ATXN2: variants seen among roughly 807,000 people sequenced by gnomAD.
The protein encoded by ATXN2 is ataxin 2.
ATXN2 carries 37 observed loss-of-function variants against 138.6 expected under a neutral mutation model. The observed-to-expected ratio is 0.27, with a 90% CI of 0.21 to 0.35. The LOEUF (loss-of-function observed/expected upper bound fraction) is 0.35. ATXN2 is among the 10% of genes least tolerant of loss of function. The pLI is 1.00. For synonymous variants in ATXN2, 549 were observed against 543.7 expected (o/e 1.01, Z -0.13); for missense variants, 1,216 against 1,480.3 (o/e 0.82, Z 2.93).
chr12:111,535,772 G>A (rs1426002049), intron 5 of ATXN2, among the ~76,000 whole-genome samples: 8 of 151,678 alleles, frequency 5.3e-5, no homozygotes, highest in Admixed American at 6.6e-5. Flanking sequence ...AGGCCGAGGT[G>A]GGCGGATCAC....
Position 111,598,978 on chromosome 12 carries a change from T to TGCTGTTGCTGC in ATXN2, c.56_57insGCAGCAACAGC (p.Gln23HisfsTer27). ...GCTGCTGCTGCTGCTGCTGCTGCTG[T>TGCTGTTGCTGC]TGCTGCTGCTGCTGCTGCTGCTGCT... On this transcript the variant is annotated frameshift_variant, in exon 1 of 25. Coordinates refer to ENST00000673436, the MANE Select transcript of ATXN2 (RefSeq NM_001372574.1). LOFTEE classifies it high-confidence loss of function. This position sits in a 1 kb window ranked among gnomAD's most constrained non-coding sequence, Gnocchi z 4.5. 1 of 1,292,192 alleles carries TGCTGTTGCTGC rather than the reference T, an allele frequency of 7.7e-7. No individual in the cohort carries two copies. The highest frequency in any genetic ancestry group is 1.6e-5 in the South Asian group (1 of 63,520). The allele number at this position is 1,292,192 out of a possible 1,614,324, so 80.0% of individuals were successfully genotyped here.
intron 6 of ATXN2, among the ~76,000 whole-genome samples, chr12:111,523,177 C>T (rs182403584): frequency 2.8e-4 from 42 of 150,512 alleles, no homozygotes; most frequent in Non-Finnish European, 3.2e-4. Context: ...GCAGGAGAAT[C>T]GCTTGAACCC....
chr12:111,585,466 T>C lies in ATXN2; in HGVS notation c.251+13318A>G, dbSNP rs147066756. ...AGGCAGAGGTTGCAGTGGGCCAAGA[T>C]TGTACCATTGCACTCCAGCCTGGGC... is the stretch of plus-strand genomic sequence containing the variant. On this transcript the variant is annotated intron_variant, in intron 1 of 24. Transcript: ENST00000673436. Among the ~76,000 whole-genome samples, 890 of 149,382 alleles carry C rather than the reference T, an allele frequency of 6.0e-3. 10 individuals carry two copies. Among genetic ancestry groups the C allele is most frequent in the African/African-American group, 0.02 (822 of 40,280 alleles).
At chr12:111,465,054 C>A (rs1875891951) in intron 20 of ATXN2, among the ~76,000 whole-genome samples, 1 of 151,964 alleles carries the variant, frequency 6.6e-6, no homozygotes, top group Non-Finnish European at 1.5e-5. Flanking sequence ...AAGTTTAATT[C>A]AATAGACACA....
intron 5 of ATXN2, among the ~76,000 whole-genome samples, chr12:111,543,313 C>T (rs573314963): frequency 6.6e-6 from 1 of 152,312 alleles, no homozygotes; most frequent in South Asian, 2.1e-4. Context: ...ACCAAAAAGA[C>T]AACCATATGA....
chr12:111,485,659 T>C, intron 17 of ATXN2, 54 bp downstream of exon 17: 1 of 1,595,444 alleles, frequency 6.3e-7, no homozygotes, highest in Non-Finnish European at 8.6e-7. Context: ...GAGTGCTTGG[T>C]GTCAGATACA....
rs765619606 is a variant in ATXN2, at chr12:111,486,826, T to TA, written c.2241-3dup. ...TTCAATGTTGATTTCCTAACTTGCC[T>TA]AAAAAAAATATAAAGGCCAGTGAAA... On this transcript the variant is annotated splice_region_variant and splice_polypyrimidine_tract_variant and intron_variant, in intron 15 of 24. Transcript: ENST00000673436. 22 of 1,608,180 alleles carry TA rather than the reference T, an allele frequency of 1.4e-5. No individual in the cohort carries two copies. Among genetic ancestry groups the TA allele is most frequent in the South Asian group, 2.2e-5 (2 of 90,696 alleles).
intron 15 of ATXN2, 151 bp from the exon 16 acceptor site, chr12:111,486,975 CTT>C (rs1877684941): frequency 1.6e-6 from 1 of 642,384 alleles, no homozygotes; most frequent in African/African-American, 1.8e-5. Flanking sequence ...AACATATACA[CTT>C]ATATTGCCCA....
chr12:111,506,866 G>T (rs935372639), intron 14 of ATXN2, among the ~76,000 whole-genome samples: 4 of 152,160 alleles, frequency 2.6e-5, no homozygotes, highest in African/African-American at 9.7e-5. Flanking sequence ...GGGTTTCGCT[G>T]TGTTGGCCGG....
chr12:111,586,000 G>C (rs937239151), intron 1 of ATXN2, among the ~76,000 whole-genome samples: 6 of 151,668 alleles, frequency 4.0e-5, no homozygotes, highest in African/African-American at 1.5e-4. Flanking sequence ...AGACTTAAGT[G>C]AACCACCTGC....
intron 1 of ATXN2, among the ~76,000 whole-genome samples, chr12:111,572,895 T>A (rs984424922): frequency 2.0e-5 from 3 of 152,110 alleles, no homozygotes; most frequent in South Asian, 2.1e-4. Context: ...GGTTCTCAGA[T>A]CAAGTCACAA....
intron 1 of ATXN2, among the ~76,000 whole-genome samples, chr12:111,588,987 T>TCCG (rs1884491058): frequency 3.7e-5 from 1 of 27,302 alleles, no homozygotes; most frequent in Non-Finnish European, 1.1e-4. Flanking sequence ...AGAGCGAGAT[T>TCCG]TCTCAAAAAA....
At chr12:111,466,571 G>A (rs940436262) in intron 20 of ATXN2, among the ~76,000 whole-genome samples, 2 of 152,128 alleles carry the variant, frequency 1.3e-5, no homozygotes, top group African/African-American at 4.8e-5. Context: ...AAGAGGTCAA[G>A]GTCAATACTT....
intron 1 of ATXN2, chr12:111,581,614 C>A: frequency 1.3e-6 from 1 of 793,544 alleles, no homozygotes; most frequent in Non-Finnish European, 2.3e-6. Context: ...TAGCATTGGC[C>A]TACTCCGTGA....
intron 14 of ATXN2, among the ~76,000 whole-genome samples, chr12:111,497,187 A>G (rs1373983182): frequency 6.6e-6 from 1 of 152,180 alleles, no homozygotes; most frequent in Admixed American, 6.6e-5. Flanking sequence ...CAAATACAAT[A>G]ACAAGTAACG....
intron 16 of ATXN2, among the ~76,000 whole-genome samples, 175 bp from the exon 17 acceptor site, chr12:111,486,040 C>T (rs1035253076): frequency 1.8e-4 from 27 of 152,132 alleles, no homozygotes; most frequent in African/African-American, 6.0e-4. Context: ...AAAAATGTTT[C>T]AGTAGGAACT....
Position 111,453,593 on chromosome 12 carries a change from A to C in ATXN2, c.3439+84T>G. On this transcript the variant is annotated intron_variant, in intron 24 of 24. Coordinates refer to ENST00000673436, the MANE Select transcript of ATXN2 (RefSeq NM_001372574.1). The surrounding 1 kb of genome is among the most constrained non-coding windows in gnomAD (Gnocchi z 5.4). ...TGCTAGTTCTCAAATGCGGGGCTTG[A>C]AGCACTGGCCCTGCCTGCCATTCCA... The C allele has an allele frequency of 6.8e-7, 1 of 1,460,476 alleles. No homozygotes were observed. The highest frequency in any genetic ancestry group is 9.1e-7 in the Non-Finnish European group (1 of 1,103,440). The allele number at this position is 1,460,476 out of a possible 1,614,324, so 90.5% of individuals were successfully genotyped here.
intron 1 of ATXN2, among the ~76,000 whole-genome samples, chr12:111,582,778 C>A (rs1480647241): frequency 1.3e-5 from 2 of 151,924 alleles, no homozygotes. Flanking sequence ...ACGCCATTCT[C>A]CTGCCTCAGC....
chr12:111,510,102 T>C (rs1433544723), intron 12 of ATXN2, 104 bp from the exon 13 acceptor site: 2 of 890,242 alleles, frequency 2.2e-6, no homozygotes, highest in African/African-American at 1.7e-5. Flanking sequence ...AAATAATGCT[T>C]TCATTTAAAC....
Sources: allele counts gnomAD v4.1 joint callset (sites outside exome capture counted in the v4.1 genomes callset), GRCh38; gene constraint gnomAD v4.1.1; non-coding constraint Gnocchi (gnomAD v3.1); transcripts MANE v1.5; gene names NCBI Gene and HGNC (gene_info 2026-07-23, HGNC 2026-07-21).